Variants in CD200R1 observed in about 807,000 individuals in gnomAD.
CD200R1 encodes CD200 receptor 1, also known as cell surface glycoprotein CD200 receptor 1.
CD200R1 carries 30 observed loss-of-function variants against 38.1 expected under a neutral mutation model. The observed-to-expected ratio is 0.79, with a 90% confidence interval of 0.59 to 1.07. CD200R1 has a LOEUF of 1.07. CD200R1 is among the 50% of genes least tolerant of loss of function. The pLI is 0.00. For missense variants in CD200R1, 372 were observed against 415.4 expected (o/e 0.90, Z 0.91); for synonymous variants, 128 against 152.1 (o/e 0.84, Z 1.16).
At chr3:112,945,904 T>G (rs959573259) in intron 2 of CD200R1, among the ~76,000 whole-genome samples, 1 of 151,914 alleles carries the variant, frequency 6.6e-6, no homozygotes. Context: ...AGCTGGCGCC[T>G]GTAGTCCCAG....
intron 1 of CD200R1, 97 bp from the exon 2 acceptor site, chr3:112,948,021 A>AT (rs998143556): frequency 2.4e-5 from 19 of 800,156 alleles, no homozygotes; most frequent in Non-Finnish European, 3.7e-5. Context: ...TCTTCAGACT[A>AT]TTTTTGTATT....
intron 1 of CD200R1, among the ~76,000 whole-genome samples, chr3:112,974,498 G>A (rs1326501194): frequency 1.3e-5 from 2 of 152,030 alleles, no homozygotes. Context: ...ATTGCTGCTA[G>A]TATGTATTTG....
Position 112,928,824 on chromosome 3 carries a change from A to C in CD200R1, c.761T>G (p.Leu254Arg). The C allele has an allele frequency of 6.2e-7, 1 of 1,609,548 alleles. No individual in the cohort carries two copies. The highest frequency in any genetic ancestry group is 8.5e-7 in the Non-Finnish European group (1 of 1,177,104). The change falls in exon 5 of 8, where the codon CTA (leucine) becomes CGA (arginine). Residue 254 changes from leucine to arginine, a missense_variant. Transcript: ENST00000308611. Reference protein sequence around the residue: ...LTGNKSLYIELLPVPGAKKSA... With the variant: ...LTGNKSLYIERLPVPGAKKSA... ...CTAAAAGAATTACTGACCAGGAAGT[A>C]GCTCTATGTACAGACTCTTGTTGCC...
intron 5 of CD200R1, among the ~76,000 whole-genome samples, chr3:112,927,091 G>C (rs1022711557): frequency 6.6e-6 from 1 of 152,026 alleles, no homozygotes; most frequent in Non-Finnish European, 1.5e-5. Flanking sequence ...TTCCCAACTA[G>C]CAGAAAAAGG....
At position 112,966,618 on chromosome 3, in the gene CD200R1, G is replaced by A. The variant is rs546650823; in HGVS notation, c.67+8173C>T. Among the ~76,000 whole-genome samples the A allele has an allele frequency of 1.0e-3, 158 of 152,042 alleles. 1 individual carries two copies. Among genetic ancestry groups the A allele is most frequent in the Non-Finnish European group, 1.5e-3 (102 of 67,970 alleles). On this transcript the variant is annotated intron_variant, in intron 1 of 7. Coordinates refer to ENST00000308611, the MANE Select transcript of CD200R1 (RefSeq NM_138806.4). ...GCATTCATGGTAAGGTAACAAAATG[G>A]CAGAGAAAAAGAAAAGAAATTACTG...
intron 1 of CD200R1, among the ~76,000 whole-genome samples, chr3:112,968,262 C>CA (rs1222178621): frequency 6.6e-6 from 1 of 151,812 alleles, no homozygotes; most frequent in African/African-American, 2.4e-5. Context: ...ATTTAGAAAG[C>CA]AAAAAAGCAT....
intron 2 of CD200R1, among the ~76,000 whole-genome samples, chr3:112,941,210 G>C (rs1400737823): frequency 6.6e-6 from 1 of 151,544 alleles, no homozygotes; most frequent in African/African-American, 2.4e-5. Flanking sequence ...TTATAGCTAG[G>C]TAGGATGAGC....
intron 2 of CD200R1, among the ~76,000 whole-genome samples, chr3:112,935,323 T>C (rs866627474): frequency 1.6e-4 from 25 of 152,324 alleles, no homozygotes; most frequent in African/African-American, 4.1e-4. Context: ...TTCTCCAGAA[T>C]TGACAATATG....
chr3:112,960,807 T>G (rs993259285), intron 1 of CD200R1, among the ~76,000 whole-genome samples: 2 of 152,174 alleles, frequency 1.3e-5, no homozygotes, highest in South Asian at 4.1e-4. Context: ...CACAGTATAA[T>G]TATTATTTAA....
At chr3:112,961,565 AACTGAT>A (rs1933019821) in intron 1 of CD200R1, among the ~76,000 whole-genome samples, 1 of 152,092 alleles carries the variant, frequency 6.6e-6, no homozygotes, top group African/African-American at 2.4e-5. Context: ...GTTCCAGGCA[AACTGAT>A]GCAGTTTTTC....
At chr3:112,972,178 T>C (rs896274753) in intron 1 of CD200R1, among the ~76,000 whole-genome samples, 4 of 152,182 alleles carry the variant, frequency 2.6e-5, no homozygotes, top group African/African-American at 4.8e-5. Context: ...CACCTATAAA[T>C]TATTATAACA....
At chr3:112,944,492 A>G (rs1940799058) in intron 2 of CD200R1, among the ~76,000 whole-genome samples, 1 of 151,940 alleles carries the variant, frequency 6.6e-6, no homozygotes, top group African/African-American at 2.4e-5. Context: ...TTCTCAACTT[A>G]AAAAACATCT....
At chr3:112,943,490 G>A (rs563230164) in intron 2 of CD200R1, among the ~76,000 whole-genome samples, 1 of 151,664 alleles carries the variant, frequency 6.6e-6, no homozygotes, top group Non-Finnish European at 1.5e-5. Context: ...TTCTTAGAGG[G>A]AAATTTATAG....
At chr3:112,973,622 A>G (rs1296077007) in intron 1 of CD200R1, among the ~76,000 whole-genome samples, 3 of 152,232 alleles carry the variant, frequency 2.0e-5, no homozygotes, top group East Asian at 3.8e-4. Context: ...GTGCAGTCAA[A>G]GAGTGTAGTT....
intron 2 of CD200R1, among the ~76,000 whole-genome samples, chr3:112,946,027 C>T (rs543784427): frequency 9.0e-4 from 87 of 96,650 alleles, no homozygotes; most frequent in African/African-American, 3.8e-3. Context: ...AGCGAGACTC[C>T]GTCTCAAAAA....
At chr3:112,936,319 A>C (rs1337895456) in intron 2 of CD200R1, among the ~76,000 whole-genome samples, 1 of 152,232 alleles carries the variant, frequency 6.6e-6, no homozygotes, top group Non-Finnish European at 1.5e-5. Context: ...GTATATACCC[A>C]GTAATCAGAT....
At chr3:112,928,752 T>C in intron 5 of CD200R1, 64 bp downstream of exon 5, 2 of 1,313,336 alleles carry the variant, frequency 1.5e-6, no homozygotes, top group Non-Finnish European at 2.1e-6. Context: ...GCACATCTTT[T>C]TTTTTCTTAA....
At chr3:112,942,652 T>G (rs905588539) in intron 2 of CD200R1, among the ~76,000 whole-genome samples, 5 of 151,506 alleles carry the variant, frequency 3.3e-5, no homozygotes, top group Non-Finnish European at 7.4e-5. Flanking sequence ...ATGGTCTGAA[T>G]GCACCAAATA....
At chr3:112,946,092 C>T (rs887425731) in intron 2 of CD200R1, among the ~76,000 whole-genome samples, 6 of 141,896 alleles carry the variant, frequency 4.2e-5, no homozygotes, top group Middle Eastern at 3.7e-3. Context: ...AAAAAAAATA[C>T]AGTCATCCCT....
Sources: gnomAD v4.1 joint callset for allele counts (sites outside exome capture counted in the v4.1 genomes callset) on GRCh38, gnomAD v4.1.1 for gene constraint, MANE v1.5 for transcripts, NCBI Gene and HGNC (gene_info 2026-07-23, HGNC 2026-07-21) for gene names.